ZNF28: variants seen among roughly 807,000 people sequenced by gnomAD.
ZNF28 encodes zinc finger protein 28.
In ZNF28, 5 loss-of-function variants were observed where a neutral mutation model predicts 7.2. The observed-to-expected ratio is 0.70, with a 90% CI of 0.36 to 1.46. The LOEUF is 1.46. ZNF28 is among the 40% of genes most tolerant of loss of function. The probability of loss-of-function intolerance (pLI) is 0.03; values close to 1 mark genes in which losing one functional copy is unlikely to be tolerated. For missense variants in ZNF28, 879 were observed against 866.6 expected (o/e 1.01, Z -0.18); for synonymous variants, 288 against 292.4 (o/e 0.99, Z 0.15).
intron 3 of ZNF28, among the ~76,000 whole-genome samples, chr19:52,804,864 T>C (rs538998132): frequency 1.3e-5 from 2 of 152,294 alleles, no homozygotes; most frequent in African/African-American, 4.8e-5. Context: ...GAGCATCTCA[T>C]CATCAACATC....
rs758884222 is a variant in ZNF28, at chr19:52,800,683, A to G, written c.1162T>C (p.Cys388Arg). The G allele has an allele frequency of 3.9e-5, 63 of 1,613,736 alleles. No individual in the cohort carries two copies. The South Asian group carries it at 4.2e-4, about 11-fold the overall frequency. The change falls in exon 4 of 4, where the codon TGT becomes CGT. Residue 388 changes from cysteine to arginine, a missense_variant. Physicochemically the swap from Cys to Arg is radical, Grantham distance 180 (BLOSUM62 -3). Transcript: ENST00000457749. The part of the protein sequence containing the change: ...TGEKPYECEE[C>R]EKVFSRKSHL... ...GATTTGCGACTGAAAACTTTTTCACATTCTTCACATTCATAAGGTTTCTCT... is the reference window on the plus strand; with the variant it reads ...GATTTGCGACTGAAAACTTTTTCACGTTCTTCACATTCATAAGGTTTCTCT...
chr19:52,801,219 T>C lies in ZNF28; in HGVS notation c.626A>G (p.His209Arg). The change falls in exon 4 of 4, where the codon CAC becomes CGC. Residue 209 changes from histidine to arginine, a missense_variant. Physicochemically the swap from His to Arg is conservative, Grantham distance 29 (BLOSUM62 0). Around this residue, in one of 2 missense-constraint regions of ZNF28, gnomAD observed 864 missense variants for 830.2 expected, o/e 1.04. Transcript: ENST00000457749. ...SSLLTQKRNV[H>R]MREKSFQCIE... is the part of the protein sequence containing the mutation. ...ACATTGGAAAGATTTTTCTCTCATG[T>C]GTACATTCCGTTTTTGTGTGAGTAA... 6.2e-7 allele frequency: 1 copy of C among 1,614,212 alleles called. No homozygotes were observed. The highest frequency in any genetic ancestry group is 2.2e-5 in the East Asian group (1 of 44,874).
At position 52,804,839 on chromosome 19, in the gene ZNF28, C is replaced by T. The variant is rs534312647; in HGVS notation, c.143-3137G>A. Among the ~76,000 whole-genome samples, 4 of 152,306 alleles carry T rather than the reference C, an allele frequency of 2.6e-5. No homozygotes were observed. In the South Asian group the frequency reaches 6.2e-4, roughly 24 times the overall value. ...TATTTCTAACAGGACAGTGAAATGA[C>T]AGAGACAGGAGAAAGAGCATCTCAT... On this transcript the variant is annotated intron_variant, in intron 3 of 3. Coordinates refer to ENST00000457749, the MANE Select transcript of ZNF28 (RefSeq NM_006969.5).
At position 52,798,705 on chromosome 19, in the gene ZNF28, G is replaced by C; in HGVS notation, c.*983C>G. Reference sequence around the variant, plus strand: ...CATTTATAAGGTTTCTCTCCAGCATGAGTTCGATGATGAATAGCAATATAT... The same window carrying C: ...CATTTATAAGGTTTCTCTCCAGCATCAGTTCGATGATGAATAGCAATATAT... On this transcript the variant is annotated 3_prime_UTR_variant, in exon 4 of 4. Transcript: ENST00000457749. The C allele has an allele frequency of 2.2e-6, 1 of 456,012 alleles. No individual in the cohort carries two copies. The highest frequency in any genetic ancestry group is 4.3e-6 in the Non-Finnish European group (1 of 230,854). The allele number at this position is 456,012 out of a possible 1,614,324, so 28.2% of individuals were successfully genotyped here. A position where few individuals can be genotyped will look rare whatever the true frequency, so the allele number is the denominator to read the frequency against.
intron 2 of ZNF28, among the ~76,000 whole-genome samples, chr19:52,810,941 C>A (rs1243026275): frequency 7.6e-6 from 1 of 131,312 alleles, no homozygotes; most frequent in Non-Finnish European, 1.6e-5. Flanking sequence ...TGATGCCGAG[C>A]CAAAGCTGGA....
chr19:52,813,973 T>A (rs914141829), intron 2 of ZNF28, among the ~76,000 whole-genome samples: 1 of 146,736 alleles, frequency 6.8e-6, no homozygotes, highest in African/African-American at 2.6e-5. Context: ...GAATTTTTTT[T>A]AATATGTGTC....
At chr19:52,816,101 G>A (rs1382575259) in intron 2 of ZNF28, among the ~76,000 whole-genome samples, 1 of 147,632 alleles carries the variant, frequency 6.8e-6, no homozygotes, top group African/African-American at 2.6e-5. Context: ...TGGAAGGAGG[G>A]TGGAGGATGT....
In ZNF28 at chr19:52,817,920, A is replaced by G. The variant is rs755389802; in HGVS notation, c.15+24T>C. ...GTTTCTGAAAGGAAGGAGACAGAGC[A>G]ATCCACCGAGAATACCATCTCACCT... On this transcript the variant is annotated intron_variant, in intron 2 of 3. Coordinates refer to ENST00000457749, the MANE Select transcript of ZNF28 (RefSeq NM_006969.5). 7.5e-6 allele frequency: 12 copies of G among 1,608,774 alleles called. No homozygotes were observed. In the African/African-American group the frequency reaches 1.6e-4, roughly 22 times the overall value.
In ZNF28 at chr19:52,806,026, C is replaced by G. The variant is rs954837232; in HGVS notation, c.142+1981G>C. The stretch of plus-strand genomic sequence containing the variant: ...ATTAATAAAAGGACAGATACAGAAA[C>G]TGGCATATGTATACCTTCATAACTA... On this transcript the variant is annotated intron_variant, in intron 3 of 3. Coordinates refer to ENST00000457749, the MANE Select transcript of ZNF28 (RefSeq NM_006969.5). 3 of 152,188 alleles carry G rather than the reference C, an allele frequency of 2.0e-5. 1 individual carries two copies. Among genetic ancestry groups the G allele is most frequent in the Admixed American group, 2.0e-4 (3 of 15,276 alleles). 9.4% of individuals were successfully genotyped at this position (152,188 alleles called of 1,614,324 possible). A position where few individuals can be genotyped will look rare whatever the true frequency, so the allele number is the denominator to read the frequency against.
At chr19:52,804,196 C>A (rs1422057829) in intron 3 of ZNF28, among the ~76,000 whole-genome samples, 1 of 152,204 alleles carries the variant, frequency 6.6e-6, no homozygotes, top group Non-Finnish European at 1.5e-5. Flanking sequence ...AGGCTGTCAC[C>A]AGGAACCAAT....
At chr19:52,806,355 G>A (rs1349050278) in intron 3 of ZNF28, among the ~76,000 whole-genome samples, 1 of 151,890 alleles carries the variant, frequency 6.6e-6, no homozygotes, top group African/African-American at 2.4e-5. Context: ...CACGGCGCCT[G>A]GCTAATTTTT....
chr19:52,810,095 C>T (rs541239203), intron 2 of ZNF28: 16 of 784,164 alleles, frequency 2.0e-5, no homozygotes, highest in African/African-American at 1.7e-4. Context: ...CAGGAGCCAC[C>T]GGCAGCCAAG....
At position 52,808,013 on chromosome 19, in the gene ZNF28, A is replaced by G. The variant is rs2062958314; in HGVS notation, c.136T>C (p.Ser46Pro). 2 of 1,613,270 alleles carry G rather than the reference A, an allele frequency of 1.2e-6. No homozygotes were observed. Among genetic ancestry groups the G allele is most frequent in the Admixed American group, 1.7e-5 (1 of 59,956 alleles). The part of the protein sequence containing the change: ...VMLENYRNLV[S>P]LDISSKCMMK... ...CCCAGGAGGTTATCCTCACCCAGGGAGACCAGGTTCCTATAATTCTCCAGC... is the reference window on the plus strand; with the variant it reads ...CCCAGGAGGTTATCCTCACCCAGGGGGACCAGGTTCCTATAATTCTCCAGC... The change falls in exon 3 of 4, where the codon TCC (serine) becomes CCC (proline). Residue 46 changes from serine (S) to proline (P), a missense_variant. Transcript: ENST00000457749.
In ZNF28 at chr19:52,819,257, C is replaced by A. The variant is rs1218090011; in HGVS notation, c.-73-1226G>T. On this transcript the variant is annotated intron_variant, in intron 1 of 3. Coordinates refer to ENST00000457749, the MANE Select transcript of ZNF28 (RefSeq NM_006969.5). ...AGAGTTGGGCTTTTGTCCTGGGGAACACGGGAAGCAGGTGGAGGGTTCCCT... is the reference window on the plus strand; with the variant it reads ...AGAGTTGGGCTTTTGTCCTGGGGAAAACGGGAAGCAGGTGGAGGGTTCCCT... Among the ~76,000 whole-genome samples, 2 of 139,046 alleles carry A rather than the reference C, an allele frequency of 1.4e-5. 1 individual carries two copies. The highest frequency in any genetic ancestry group is 1.5e-4 in the Admixed American group (2 of 13,626). The allele number at this position is 139,046 out of a possible 152,430, so 91.2% of individuals were successfully genotyped here. A position where few individuals can be genotyped will look rare whatever the true frequency, so the allele number is the denominator to read the frequency against.
At position 52,799,014 on chromosome 19, in the gene ZNF28, A is replaced by AGG; in HGVS notation, c.*673_*674insCC. 2.6e-6 allele frequency: 2 copies of AGG among 777,472 alleles called. No individual in the cohort carries two copies. Among genetic ancestry groups the AGG allele is most frequent in the South Asian group, 1.7e-5 (1 of 59,876 alleles). The allele number at this position is 777,472 out of a possible 1,614,324, so 48.2% of individuals were successfully genotyped here. Reference sequence around the variant, plus strand: ...CCAAAAGCCTTGTTACAAACCTTACATTTGTATGTTTTTTCTCCAGTATGA... The same window carrying AGG: ...CCAAAAGCCTTGTTACAAACCTTACAGGTTTGTATGTTTTTTCTCCAGTATGA... On this transcript the variant is annotated 3_prime_UTR_variant, in exon 4 of 4. Coordinates refer to ENST00000457749, the MANE Select transcript of ZNF28 (RefSeq NM_006969.5).
Position 52,800,682 on chromosome 19 carries a change from C to T in ZNF28, c.1163G>A (p.Cys388Tyr). 3 of 1,613,934 alleles carry T rather than the reference C, an allele frequency of 1.9e-6. No individual in the cohort carries two copies. The highest frequency in any genetic ancestry group is 1.7e-6 in the Non-Finnish European group (2 of 1,179,966). Reference sequence around the variant, plus strand: ...TGATTTGCGACTGAAAACTTTTTCACATTCTTCACATTCATAAGGTTTCTC... The same window carrying T: ...TGATTTGCGACTGAAAACTTTTTCATATTCTTCACATTCATAAGGTTTCTC... The part of the protein sequence containing the change: ...TGEKPYECEE[C>Y]EKVFSRKSHL... Residue 388 changes from cysteine (C) to tyrosine (Y), a missense_variant, in exon 4 of 4, where the codon TGT becomes TAT. Physicochemically the swap from Cys to Tyr is radical, Grantham distance 194. Coordinates refer to ENST00000457749, the MANE Select transcript of ZNF28 (RefSeq NM_006969.5).
chr19:52,801,469 G>A lies in ZNF28; in HGVS notation c.376C>T (p.His126Tyr). 1 of 1,614,154 alleles carries A rather than the reference G, an allele frequency of 6.2e-7. No individual in the cohort carries two copies. The highest frequency in any genetic ancestry group is 8.5e-7 in the Non-Finnish European group (1 of 1,180,022). ...TTGTTTCCAGCATGCCTTTGATCAT[G>A]TTGGCCTGTACTACCAGTCAACTCT... ...IKELTGSTGQ[H>Y]DQRHAGNKHI... The change falls in exon 4 of 4, where the codon CAT (histidine) becomes TAT (tyrosine). Residue 126 changes from histidine (H) to tyrosine (Y), a missense_variant. Physicochemically the swap from His to Tyr is moderately conservative, Grantham distance 83. Around this residue, in one of 2 missense-constraint regions of ZNF28, gnomAD observed 864 missense variants for 830.2 expected, o/e 1.04. Transcript: ENST00000457749.
Position 52,814,491 on chromosome 19 carries a change from G to A in ZNF28, c.15+3453C>T, listed in dbSNP as rs932639874. 1.3e-4 allele frequency: 19 copies of A among 146,068 alleles called. 4 individuals are homozygous for A. Among genetic ancestry groups the A allele is most frequent in the African/African-American group, 5.1e-4 (19 of 37,496 alleles). 9.0% of individuals were successfully genotyped at this position (146,068 alleles called of 1,614,324 possible). A position where few individuals can be genotyped will look rare whatever the true frequency, so the allele number is the denominator to read the frequency against. On this transcript the variant is annotated intron_variant, in intron 2 of 3. Transcript: ENST00000457749. The stretch of plus-strand genomic sequence containing the variant: ...TGACTATAATCCCAGCTACTTAGGA[G>A]GCTAAAACAGGAGAATCACTTGAAC...
Position 52,814,668 on chromosome 19 carries a change from C to T in ZNF28, c.15+3276G>A, listed in dbSNP as rs1319965311. 2.1e-5 allele frequency among the ~76,000 whole-genome samples: 3 copies of T among 145,704 alleles called. 1 individual carries two copies. Among genetic ancestry groups the T allele is most frequent in the Non-Finnish European group, 4.4e-5 (3 of 67,550 alleles). On this transcript the variant is annotated intron_variant, in intron 2 of 3. Transcript: ENST00000457749. ...TTGGGAGGCTGAGGTGGGCAGATCA[C>T]GAGGTTAGGAAATGAAAACCATCCT... is the stretch of plus-strand genomic sequence containing the variant.
Sources: gnomAD v4.1 joint callset for allele counts (sites outside exome capture counted in the v4.1 genomes callset) on GRCh38, gnomAD v4.1.1 for gene constraint, gnomAD v4.1.1 regional missense constraint, MANE v1.5 for transcripts, NCBI Gene and HGNC (gene_info 2026-07-23, HGNC 2026-07-21) for gene names.